Variants in CEP89 observed in about 807,000 individuals in gnomAD.
The protein encoded by CEP89 is centrosomal protein of 89 kDa.
CEP89 carries 95 observed loss-of-function variants against 97.6 expected under a neutral mutation model. The ratio of observed to expected loss-of-function variants is 0.97; its 90% confidence interval spans 0.82 to 1.15. CEP89 has a LOEUF of 1.15. CEP89 is among the 50% of genes most tolerant of loss of function. CEP89 has a pLI of 0.00. For synonymous variants in CEP89, 354 were observed against 349.1 expected (o/e 1.01, Z -0.16); for missense variants, 869 against 947.7 (o/e 0.92, Z 1.09).
chr19:32,948,312 A>C lies in CEP89; in HGVS notation c.549T>G (p.Asp183Glu). 3.1e-6 allele frequency: 5 copies of C among 1,611,902 alleles called. No individual in the cohort carries two copies. The highest frequency in any genetic ancestry group is 4.2e-6 in the Non-Finnish European group (5 of 1,179,088). Residue 183 changes from aspartate to glutamate, a missense_variant, in exon 5 of 19, where the codon GAT becomes GAG. By Grantham distance (45) the Asp-to-Glu change is conservative. Coordinates refer to ENST00000305768, the MANE Select transcript of CEP89 (RefSeq NM_032816.5). ...SEDDENISHQ[D>E]GFPGSPPAPQ... ...GTGCAGGAGGGGAGCCTGGAAACCC[A>C]TCTTGATGAGAAATATTTTCATCGT...
At chr19:32,941,350 A>G (rs1970682252) in intron 5 of CEP89, among the ~76,000 whole-genome samples, 1 of 151,876 alleles carries the variant, frequency 6.6e-6, no homozygotes, top group Admixed American at 6.6e-5. Flanking sequence ...TAAAAACACA[A>G]AAATTAGCCG....
intron 14 of CEP89, among the ~76,000 whole-genome samples, chr19:32,901,660 C>CT (rs1969774354): frequency 6.6e-6 from 1 of 152,020 alleles, no homozygotes; most frequent in East Asian, 1.9e-4. Flanking sequence ...CAGGGTCTCA[C>CT]TCTGTTGCCC....
intron 3 of CEP89, among the ~76,000 whole-genome samples, chr19:32,956,333 C>T (rs950026017): frequency 2.6e-5 from 4 of 151,370 alleles, no homozygotes; most frequent in Non-Finnish European, 5.9e-5. Context: ...GGATTACAGG[C>T]GTGAGCCACC....
At position 32,921,500 on chromosome 19, in the gene CEP89, C is replaced by G. The variant is rs939176108; in HGVS notation, c.1268+1939G>C. Among the ~76,000 whole-genome samples the G allele has an allele frequency of 4.6e-5, 7 of 152,372 alleles. No individual in the cohort carries two copies. The South Asian group carries it at 1.4e-3, about 32-fold the overall frequency. On this transcript the variant is annotated intron_variant, in intron 12 of 18. Coordinates refer to ENST00000305768, the MANE Select transcript of CEP89 (RefSeq NM_032816.5). ...TCACACTGGAGCAAAGGGCAGATTT[C>G]AAATCCCAACAAATGCAGGATTGGG...
chr19:32,881,869 G>T lies in CEP89; in HGVS notation c.2110C>A (p.Leu704Met). The change falls in exon 18 of 19, where the codon CTG becomes ATG. Residue 704 changes from leucine (L) to methionine (M), a missense_variant. Leu to Met is a conservative substitution (Grantham distance 15). Transcript: ENST00000305768. ...CTGTTCTGCTGCAGCGCCTGGTCCA[G>T]CACCTCCTGCTTGTCCTTCAGCACC... ...HQVLKDKQEV[L>M]DQALQQNREM... The T allele has an allele frequency of 1.2e-6, 2 of 1,604,896 alleles. No homozygotes were observed. The highest frequency in any genetic ancestry group is 1.7e-6 in the Non-Finnish European group (2 of 1,179,120).
chr19:32,947,544 A>G lies in CEP89; in HGVS notation c.595+722T>C, dbSNP rs546354062. On this transcript the variant is annotated intron_variant, in intron 5 of 18. Coordinates refer to ENST00000305768, the MANE Select transcript of CEP89 (RefSeq NM_032816.5). ...TTCACTCTGTCACTCAGGCTGGGGT[A>G]CAATGGTGCGATCTCAGCTCACTGC... 2.6e-5 allele frequency among the ~76,000 whole-genome samples: 4 copies of G among 152,186 alleles called. No individual in the cohort carries two copies. The East Asian group carries it at 7.8e-4, about 30-fold the overall frequency.
At position 32,953,721 on chromosome 19, in the gene CEP89, A is replaced by G. The variant is rs775417170; in HGVS notation, c.386T>C (p.Ile129Thr). The change falls in exon 4 of 19, where the codon ATT (isoleucine) becomes ACT (threonine). Residue 129 changes from isoleucine (I) to threonine (T), a missense_variant. Transcript: ENST00000305768. ...ETLDYGDEED[I>T]ETQLSSSGKE... ...GCCGCTGGATGACAGCTGAGTTTCA[A>G]TGTCCTCTTCGTCCCCATAGTCCAG... The G allele has an allele frequency of 1.2e-6, 2 of 1,614,102 alleles. No homozygotes were observed. The highest frequency in any genetic ancestry group is 3.3e-5 in the Admixed American group (2 of 60,004).
chr19:32,949,672 C>T (rs751088964), intron 4 of CEP89, among the ~76,000 whole-genome samples: 24 of 152,156 alleles, frequency 1.6e-4, no homozygotes, highest in Non-Finnish European at 2.5e-4. Flanking sequence ...GCATGAGCCA[C>T]TGCACTCGAC....
intron 14 of CEP89, among the ~76,000 whole-genome samples, chr19:32,906,112 C>G (rs1969883068): frequency 6.6e-6 from 1 of 152,170 alleles, no homozygotes; most frequent in African/African-American, 2.4e-5. Context: ...GGACATATAT[C>G]TTAAAGACAA....
In CEP89 at chr19:32,879,024, AT is replaced by A; in HGVS notation, c.*137del. On this transcript the variant is annotated 3_prime_UTR_variant, in exon 19 of 19. Coordinates refer to ENST00000305768, the MANE Select transcript of CEP89 (RefSeq NM_032816.5). ...TATCAATGGATTAAACTATGAGACC[AT>A]TTATTTCTTCCCTGCCCTGCAGCGT... The A allele has an allele frequency of 1.6e-6, 1 of 607,006 alleles. No homozygotes were observed. Among genetic ancestry groups the A allele is most frequent in the East Asian group, 2.8e-5 (1 of 35,918 alleles). The allele number at this position is 607,006 out of a possible 1,614,324, so 37.6% of individuals were successfully genotyped here. A position where few individuals can be genotyped will look rare whatever the true frequency, so the allele number is the denominator to read the frequency against.
At chr19:32,906,883 T>C (rs1969897517) in intron 14 of CEP89, among the ~76,000 whole-genome samples, 1 of 152,154 alleles carries the variant, frequency 6.6e-6, no homozygotes, top group South Asian at 2.1e-4. Context: ...TCATGTTTTG[T>C]AGTTCCCTGA....
intron 7 of CEP89, 199 bp downstream of exon 7, chr19:32,937,432 A>C (rs1970601495): frequency 2.2e-5 from 11 of 503,406 alleles, no homozygotes; most frequent in Admixed American, 3.9e-5. Context: ...TCCAACCCCC[A>C]CCCTCCCAGG....
chr19:32,948,752 G>C (rs552384142), intron 4 of CEP89, among the ~76,000 whole-genome samples: 1 of 151,830 alleles, frequency 6.6e-6, no homozygotes, highest in Non-Finnish European at 1.5e-5. Flanking sequence ...TTGAGACAGG[G>C]TCTCCTCTGT....
intron 16 of CEP89, among the ~76,000 whole-genome samples, chr19:32,896,046 G>A (rs1357055842): frequency 6.6e-6 from 1 of 152,116 alleles, no homozygotes; most frequent in Non-Finnish European, 1.5e-5. Flanking sequence ...ACTCCCCAAA[G>A]CAATCAGCAG....
At chr19:32,966,319 A>T (rs777495654) in intron 2 of CEP89, 41 bp downstream of exon 2, 3 of 1,159,310 alleles carry the variant, frequency 2.6e-6, no homozygotes, top group Non-Finnish European at 3.6e-6. Flanking sequence ...TTGGAGGCTG[A>T]GCACAGGGGT....
In CEP89 at chr19:32,894,392, G is replaced by A. The variant is rs146575655; in HGVS notation, c.1875+5465C>T. ...CCAGCCAACTACCAGGTGGTTACAC[G>A]TTCCTGATACCCAATATGGCCTAGG... On this transcript the variant is annotated intron_variant, in intron 16 of 18. Coordinates refer to ENST00000305768, the MANE Select transcript of CEP89 (RefSeq NM_032816.5). Among the ~76,000 whole-genome samples, 166 of 152,206 alleles carry A rather than the reference G, an allele frequency of 1.1e-3. 1 individual carries two copies. In the East Asian group the frequency reaches 0.012, roughly 11 times the overall value.
At chr19:32,932,783 AT>A (rs1369456766) in intron 8 of CEP89, among the ~76,000 whole-genome samples, 19 of 143,760 alleles carry the variant, frequency 1.3e-4, no homozygotes, top group African/African-American at 4.9e-4. Context: ...TATAAAAAAA[AT>A]TAAAAAAAAA....
rs1289593101 is a variant in CEP89 at position 32,876,989 on chromosome 19, T to TGACAAGCACTCCTGCC, written c.*2157_*2172dup. ...ACGATGGCGGGAGCAGCATTCCTGCTGACAAGCACTCCTGCCCCGCGCAGC... is the reference window on the plus strand; with the variant it reads ...ACGATGGCGGGAGCAGCATTCCTGCTGACAAGCACTCCTGCCGACAAGCACTCCTGCCCCGCGCAGC... On this transcript the variant is annotated 3_prime_UTR_variant, in exon 19 of 19. Coordinates refer to ENST00000305768, the MANE Select transcript of CEP89 (RefSeq NM_032816.5). The TGACAAGCACTCCTGCC allele has an allele frequency of 6.6e-6, 1 of 152,272 alleles. No homozygotes were observed. Among genetic ancestry groups the TGACAAGCACTCCTGCC allele is most frequent in the African/African-American group, 2.4e-5 (1 of 41,476 alleles). 9.4% of individuals were successfully genotyped at this position (152,272 alleles called of 1,614,324 possible). A position where few individuals can be genotyped will look rare whatever the true frequency, so the allele number is the denominator to read the frequency against.
intron 18 of CEP89, 51 bp downstream of exon 18, chr19:32,881,793 A>G (rs770933381): frequency 2.0e-6 from 3 of 1,520,342 alleles, no homozygotes; most frequent in South Asian, 1.2e-5. Context: ...AGAACCCTCA[A>G]TCAGACATTC....
Sources: gnomAD v4.1 joint callset for allele counts (sites outside exome capture counted in the v4.1 genomes callset) on GRCh38, gnomAD v4.1.1 for gene constraint, MANE v1.5 for transcripts, NCBI Gene and HGNC (gene_info 2026-07-23, HGNC 2026-07-21) for gene names.